The following NAALADL2 variants were observed in gnomAD, a reference collection of about 807,000 sequenced individuals.
The protein encoded by NAALADL2 is inactive N-acetylated-alpha-linked acidic dipeptidase-like protein 2.
Under a neutral mutation model 87.2 loss-of-function variants are expected in NAALADL2, and 76 were observed. That is an observed-to-expected ratio of 0.87 (90% CI 0.72 to 1.05). The LOEUF (loss-of-function observed/expected upper bound fraction) is 1.05, where lower values mean the gene tolerates loss of function less well. NAALADL2 is among the 50% of genes least tolerant of loss of function. The pLI, the probability that NAALADL2 is intolerant of heterozygous loss-of-function variation, is 0.00. For missense variants in NAALADL2, 1,089 were observed against 945.8 expected, an observed-to-expected ratio of 1.15 and a Z score of -1.99; for synonymous variants, 354 against 331.0, an observed-to-expected ratio of 1.07 and a Z score of -0.75.
intron 1 of NAALADL2, among the ~76,000 whole-genome samples, chr3:174,466,235 C>T (rs1231512197): frequency 2.6e-5 from 4 of 152,028 alleles, no homozygotes; most frequent in African/African-American, 9.7e-5. Context: ...TGAATGTGGC[C>T]CAAGACAAAT....
chr3:175,623,848 G>T (rs1352071259), intron 10 of NAALADL2, among the ~76,000 whole-genome samples: 1 of 151,270 alleles, frequency 6.6e-6, no homozygotes, highest in Non-Finnish European at 1.5e-5. Flanking sequence ...TAAGCTGATG[G>T]TTTGTTTTTT....
At chr3:174,712,958 C>A (rs566226630) in intron 2 of NAALADL2, among the ~76,000 whole-genome samples, 1 of 152,054 alleles carries the variant, frequency 6.6e-6, no homozygotes, top group African/African-American at 2.4e-5. Context: ...CCCCCCTCCC[C>A]CAACCCCACA....
chr3:175,036,838 T>C (rs1753477161), intron 1 of NAALADL2, among the ~76,000 whole-genome samples: 1 of 147,292 alleles, frequency 6.8e-6, no homozygotes, highest in Non-Finnish European at 1.5e-5. Flanking sequence ...GTTCCTATAC[T>C]TGCTACCCAA....
At chr3:175,677,053 C>A (rs1203391297) in intron 11 of NAALADL2, among the ~76,000 whole-genome samples, 2 of 152,008 alleles carry the variant, frequency 1.3e-5, no homozygotes, top group Non-Finnish European at 2.9e-5. Flanking sequence ...CTTGAAGGGG[C>A]CTGTCTGTTG....
intron 5 of NAALADL2, among the ~76,000 whole-genome samples, chr3:175,375,711 T>C (rs914416479): frequency 1.3e-5 from 2 of 152,146 alleles, no homozygotes; most frequent in Non-Finnish European, 2.9e-5. Context: ...CTGCTTTATC[T>C]ACTTTGACAA....
intron 2 of NAALADL2, among the ~76,000 whole-genome samples, chr3:175,231,309 G>A (rs1744904127): frequency 6.6e-6 from 1 of 151,906 alleles, no homozygotes; most frequent in South Asian, 2.1e-4. Context: ...CATAACCTGG[G>A]TGGTTCCTTT....
intron 13 of NAALADL2, among the ~76,000 whole-genome samples, chr3:175,766,583 G>T (rs946842147): frequency 2.0e-5 from 3 of 151,982 alleles, no homozygotes; most frequent in Non-Finnish European, 4.4e-5. Flanking sequence ...TGAAATCTAG[G>T]TTCCCTATGA....
chr3:174,575,428 A>G (rs1291925602), intron 2 of NAALADL2, among the ~76,000 whole-genome samples: 1 of 152,208 alleles, frequency 6.6e-6, no homozygotes, highest in Non-Finnish European at 1.5e-5. Flanking sequence ...TACTCAGTTT[A>G]AAGCCCAAAC....
intron 3 of NAALADL2, among the ~76,000 whole-genome samples, chr3:174,752,413 G>A (rs571761186): frequency 1.3e-5 from 2 of 151,884 alleles, no homozygotes; most frequent in Admixed American, 1.3e-4. Context: ...TTCAGTTTTG[G>A]TAAAGCACAT....
chr3:174,698,853 G>C (rs1406411186), intron 2 of NAALADL2, among the ~76,000 whole-genome samples: 1 of 93,620 alleles, frequency 1.1e-5, no homozygotes, highest in Non-Finnish European at 1.8e-5. Flanking sequence ...GACAGAGCGA[G>C]ACTCCGTCTC....
chr3:174,790,394 A>C (rs1717314854), intron 3 of NAALADL2, among the ~76,000 whole-genome samples: 1 of 152,152 alleles, frequency 6.6e-6, no homozygotes. Flanking sequence ...TCATGCCTAT[A>C]ATCCTAGCAC....
intron 2 of NAALADL2, among the ~76,000 whole-genome samples, chr3:174,735,461 T>C (rs951818077): frequency 6.6e-5 from 10 of 152,346 alleles, no homozygotes; most frequent in African/African-American, 1.7e-4. Flanking sequence ...GTCCTAGATA[T>C]GCTCTTTCTA....
At chr3:175,681,829 A>G (rs1735646744) in intron 11 of NAALADL2, among the ~76,000 whole-genome samples, 1 of 152,200 alleles carries the variant, frequency 6.6e-6, no homozygotes, top group Admixed American at 6.5e-5. Flanking sequence ...ACAGGGGCTG[A>G]TGTAGAGCTT....
In NAALADL2 at chr3:175,509,081, A is replaced by G. The variant is rs919426550; in HGVS notation, c.1653+37323A>G. 1.2e-4 allele frequency among the ~76,000 whole-genome samples: 19 copies of G among 152,062 alleles called. 1 individual carries two copies. Among genetic ancestry groups the G allele is most frequent in the Admixed American group, 7.9e-4 (12 of 15,264 alleles). On this transcript the variant is annotated intron_variant, in intron 9 of 13. Transcript: ENST00000454872. The stretch of plus-strand genomic sequence containing the variant: ...TAGTGAGCTGAGATTGCACCATTGC[A>G]TTCCAGCCTGGGTGACAAGAGCAAA...
chr3:174,856,943 A>G (rs1038156991), upstream of NAALADL2, among the ~76,000 whole-genome samples: 1 of 152,024 alleles, frequency 6.6e-6, no homozygotes, highest in Non-Finnish European at 1.5e-5. Context: ...GATTGATGTC[A>G]TTTGGGTTTG....
intron 5 of NAALADL2, among the ~76,000 whole-genome samples, chr3:175,372,606 TA>T (rs1766648901): frequency 6.6e-6 from 1 of 152,230 alleles, no homozygotes; most frequent in Admixed American, 6.5e-5. Flanking sequence ...ACTGATCTTT[TA>T]AAGGGTCTGT....
chr3:174,595,790 C>G (rs1370188029), intron 2 of NAALADL2, among the ~76,000 whole-genome samples: 1 of 152,058 alleles, frequency 6.6e-6, no homozygotes, highest in Admixed American at 6.6e-5. Context: ...GCGGGCAGAT[C>G]ACCTGAGCTT....
At chr3:175,573,092 AT>A (rs997981262) in intron 9 of NAALADL2, among the ~76,000 whole-genome samples, 17 of 152,320 alleles carry the variant, frequency 1.1e-4, no homozygotes, top group African/African-American at 3.4e-4. Flanking sequence ...TTAAAAAATA[AT>A]TTTTAATAGG....
At chr3:174,441,290 G>A (rs1303834312) in intron 1 of NAALADL2, among the ~76,000 whole-genome samples, 1 of 152,146 alleles carries the variant, frequency 6.6e-6, no homozygotes, top group Admixed American at 6.5e-5. Flanking sequence ...GGCTCTGGCA[G>A]TCCGCGAGGC....
Sources: allele counts gnomAD v4.1 joint callset (sites outside exome capture counted in the v4.1 genomes callset), GRCh38; gene constraint gnomAD v4.1.1; transcripts MANE v1.5; gene names NCBI Gene and HGNC (gene_info 2026-07-23, HGNC 2026-07-21).